Variants in ZCCHC14 observed in about 807,000 individuals in gnomAD.
The protein encoded by ZCCHC14 is zinc finger CCHC domain-containing protein 14.
In ZCCHC14, 16 loss-of-function variants were observed where a neutral mutation model predicts 85.0. That is an observed-to-expected ratio of 0.19 (90% CI 0.13 to 0.29). The LOEUF (loss-of-function observed/expected upper bound fraction) is 0.29. Among genes scored for constraint, ZCCHC14 ranks in the 10% least tolerant of loss-of-function variants. The pLI, the probability that ZCCHC14 is intolerant of heterozygous loss-of-function variation, is 1.00. For missense variants in ZCCHC14, 1,303 were observed against 1,443.5 expected (o/e 0.90, Z 1.58); for synonymous variants, 775 against 630.7 (o/e 1.23, Z -3.43).
At position 87,407,140 on chromosome 16, in the gene ZCCHC14, C is replaced by G. The variant is rs1908236774; in HGVS notation, c.*3140G>C. On this transcript the variant is annotated 3_prime_UTR_variant, in exon 13 of 13. Transcript: ENST00000671377. The stretch of plus-strand genomic sequence containing the variant: ...CAGCTGGGTGATGTTTAGGCAAAGT[C>G]ACTACCCCGCCCCACTACTGTGCCC... 6.6e-6 allele frequency: 1 copy of G among 152,286 alleles called. No homozygotes were observed. The highest frequency in any genetic ancestry group is 2.4e-5 in the African/African-American group (1 of 41,460). 9.4% of individuals were successfully genotyped at this position (152,286 alleles called of 1,614,324 possible).
In ZCCHC14 at chr16:87,420,728, G is replaced by A. The variant is rs375465172; in HGVS notation, c.841-12C>T. 3.1e-6 allele frequency: 5 copies of A among 1,604,448 alleles called. No homozygotes were observed. Among genetic ancestry groups the A allele is most frequent in the South Asian group, 1.1e-5 (1 of 89,424 alleles). On this transcript the variant is annotated splice_polypyrimidine_tract_variant and intron_variant, in intron 4 of 12. Transcript: ENST00000671377. This position sits in a 1 kb window ranked among gnomAD's most constrained non-coding sequence, Gnocchi z 5.0. ...TAGAGCTGACATAGCTGGAAGAGAG[G>A]ACAAGGTAGAGGAGGTGTGTCCAGA...
intron 2 of ZCCHC14, among the ~76,000 whole-genome samples, chr16:87,455,014 C>A (rs570400373): frequency 1.3e-5 from 2 of 152,202 alleles, no homozygotes; most frequent in Non-Finnish European, 2.9e-5. Flanking sequence ...GGAGGCCGAG[C>A]GCCGTGGCTC....
rs138058798 is a variant in ZCCHC14, at chr16:87,474,571, A to G, written c.571-14440T>C. On this transcript the variant is annotated intron_variant, in intron 1 of 12. Transcript: ENST00000671377. Reference sequence around the variant, plus strand: ...ATAAAAAAACAAACTGAACAGGACCAAGACAAGCAGAAACTGGAGGGAGCC... The same window carrying G: ...ATAAAAAAACAAACTGAACAGGACCGAGACAAGCAGAAACTGGAGGGAGCC... Among the ~76,000 whole-genome samples the G allele has an allele frequency of 1.7e-3, 255 of 152,304 alleles. 1 individual carries two copies. Among genetic ancestry groups the G allele is most frequent in the African/African-American group, 5.7e-3 (239 of 41,568 alleles).
rs544034740 is a variant in ZCCHC14, at chr16:87,439,289, A to G, written c.695-6088T>C. 6.8e-4 allele frequency among the ~76,000 whole-genome samples: 103 copies of G among 152,228 alleles called. 1 individual carries two copies. The highest frequency in any genetic ancestry group is 2.4e-3 in the African/African-American group (99 of 41,548). ...GCTGGGACTACAGGCACGCACCACC[A>G]TGCCCAGCTAATTTTTGTATTTTTA... On this transcript the variant is annotated intron_variant, in intron 2 of 12. Coordinates refer to ENST00000671377, the MANE Select transcript of ZCCHC14 (RefSeq NM_015144.3).
At chr16:87,454,916 C>T (rs970787465) in intron 2 of ZCCHC14, among the ~76,000 whole-genome samples, 89 of 152,200 alleles carry the variant, frequency 5.8e-4, no homozygotes, top group African/African-American at 2.0e-3. Flanking sequence ...TGTCATCTGC[C>T]GATCCACAAA....
At position 87,460,415 on chromosome 16, in the gene ZCCHC14, C is replaced by T. The variant is rs1469847681; in HGVS notation, c.571-284G>A. Among the ~76,000 whole-genome samples the T allele has an allele frequency of 3.3e-5, 5 of 152,154 alleles. No individual in the cohort carries two copies. The East Asian group carries it at 7.7e-4, about 23-fold the overall frequency. ...AACTATGGTAGCCAAAGAGGCCGGG[C>T]ACGGTGGCTCACGCCTGTTATCCCA... is the stretch of plus-strand genomic sequence containing the variant. On this transcript the variant is annotated intron_variant, in intron 1 of 12. Coordinates refer to ENST00000671377, the MANE Select transcript of ZCCHC14 (RefSeq NM_015144.3).
rs1908328478 is a variant in ZCCHC14 at position 87,409,202 on chromosome 16, A to G, written c.*1078T>C. ...ACAGCCTAATACAAAAGAAGTTGACAGGAGAAAATTCCCAATCTTTTGCTG... is the reference window on the plus strand; with the variant it reads ...ACAGCCTAATACAAAAGAAGTTGACGGGAGAAAATTCCCAATCTTTTGCTG... On this transcript the variant is annotated 3_prime_UTR_variant, in exon 13 of 13. Coordinates refer to ENST00000671377, the MANE Select transcript of ZCCHC14 (RefSeq NM_015144.3). 6.6e-6 allele frequency: 1 copy of G among 152,248 alleles called. No homozygotes were observed. The highest frequency in any genetic ancestry group is 2.4e-5 in the African/African-American group (1 of 41,464). The allele number at this position is 152,248 out of a possible 1,614,324, so 9.4% of individuals were successfully genotyped here. A position where few individuals can be genotyped will look rare whatever the true frequency, so the allele number is the denominator to read the frequency against.
intron 6 of ZCCHC14, among the ~76,000 whole-genome samples, chr16:87,419,118 G>A (rs780056155): frequency 1.7e-4 from 25 of 150,896 alleles, no homozygotes; most frequent in South Asian, 8.4e-4. Flanking sequence ...CACCACGCCC[G>A]GCTAATTTTA....
At chr16:87,448,787 G>T (rs1453742313) in intron 2 of ZCCHC14, among the ~76,000 whole-genome samples, 4 of 152,152 alleles carry the variant, frequency 2.6e-5, no homozygotes, top group African/African-American at 9.7e-5. Flanking sequence ...AAAAAGATCA[G>T]CCTCTGTTCT....
intron 1 of ZCCHC14, among the ~76,000 whole-genome samples, chr16:87,461,041 G>A (rs1190661257): frequency 6.6e-6 from 1 of 152,236 alleles, no homozygotes; most frequent in Non-Finnish European, 1.5e-5. Flanking sequence ...GGAAAGCGGG[G>A]CACACCCTCA....
chr16:87,485,387 A>G lies in ZCCHC14; in HGVS notation c.570+6282T>C, dbSNP rs189729592. 3.5e-3 allele frequency among the ~76,000 whole-genome samples: 536 copies of G among 152,284 alleles called. 2 individuals are homozygous for G. Among genetic ancestry groups the G allele is most frequent in the African/African-American group, 0.012 (485 of 41,564 alleles). ...ACCTTTGACAGGAAATGTTTCTACA[A>G]TGTGTCAGGTCTCTCTACAATAAAA... On this transcript the variant is annotated intron_variant, in intron 1 of 12. Transcript: ENST00000671377.
chr16:87,464,950 T>C (rs1217163629), intron 1 of ZCCHC14, among the ~76,000 whole-genome samples: 1 of 152,214 alleles, frequency 6.6e-6, no homozygotes, highest in Admixed American at 6.5e-5. Flanking sequence ...CTGCTACTGC[T>C]AGGAAGGCAA....
intron 1 of ZCCHC14, chr16:87,470,688 T>C (rs1250350501): frequency 6.6e-6 from 1 of 152,328 alleles, no homozygotes; most frequent in Admixed American, 6.5e-5. Context: ...CAGATTACTA[T>C]TGAAATAGGT....
intron 2 of ZCCHC14, among the ~76,000 whole-genome samples, chr16:87,435,312 C>T (rs1298139709): frequency 6.6e-6 from 1 of 152,206 alleles, no homozygotes; most frequent in Non-Finnish European, 1.5e-5. Context: ...TGAAGAACCA[C>T]GCTGAGGGTT....
At chr16:87,483,304 CAAAAAAAAAAAAAAAA>C (rs56708958) in intron 1 of ZCCHC14, among the ~76,000 whole-genome samples, 750 of 43,668 alleles carry the variant, frequency 0.017, 16 homozygotes, top group Middle Eastern at 0.14. Context: ...CTAAAAATAC[CAAAAAAAAAAAAAAAA>C]AAAAAAAAAA....
At chr16:87,456,464 C>T (rs1012074569) in intron 2 of ZCCHC14, among the ~76,000 whole-genome samples, 3 of 127,050 alleles carry the variant, frequency 2.4e-5, no homozygotes, top group Admixed American at 9.8e-5. Context: ...ACCCGGGAGG[C>T]GGAGGTTGCA....
Position 87,491,599 on chromosome 16 carries a change from T to C in ZCCHC14, c.570+70A>G. ...TGGGTCGGGGGGTCGCGGTGCAGGC[T>C]GGAGGCTTGGAGTGCAGAGTTGGGG... On this transcript the variant is annotated intron_variant, in intron 1 of 12. Transcript: ENST00000671377. This position sits in a 1 kb window ranked among gnomAD's most constrained non-coding sequence, Gnocchi z 5.9. 1 of 1,313,988 alleles carries C rather than the reference T, an allele frequency of 7.6e-7. No homozygotes were observed. Among genetic ancestry groups the C allele is most frequent in the South Asian group, 1.9e-5 (1 of 53,146 alleles). 81.4% of individuals were successfully genotyped at this position (1,313,988 alleles called of 1,614,324 possible).
rs190586764 is a variant in ZCCHC14 at position 87,448,171 on chromosome 16, C to T, written c.694+11837G>A. 1.2e-3 allele frequency among the ~76,000 whole-genome samples: 181 copies of T among 152,238 alleles called. 2 individuals are homozygous for T. The highest frequency in any genetic ancestry group is 4.0e-3 in the African/African-American group (165 of 41,532). Reference sequence around the variant, plus strand: ...TAGGCTGTATTCCTAATCTGAAAATCCAAAATCCAAAATGCTCCAAAATCT... The same window carrying T: ...TAGGCTGTATTCCTAATCTGAAAATTCAAAATCCAAAATGCTCCAAAATCT... On this transcript the variant is annotated intron_variant, in intron 2 of 12. Coordinates refer to ENST00000671377, the MANE Select transcript of ZCCHC14 (RefSeq NM_015144.3).
chr16:87,424,279 A>C (rs1011627619), intron 3 of ZCCHC14, among the ~76,000 whole-genome samples: 9 of 152,042 alleles, frequency 5.9e-5, no homozygotes, highest in Admixed American at 6.6e-5. Context: ...CAGCCCTTCG[A>C]CCACCGGTAA....
Sources: allele counts gnomAD v4.1 joint callset (sites outside exome capture counted in the v4.1 genomes callset), GRCh38; gene constraint gnomAD v4.1.1; non-coding constraint Gnocchi (gnomAD v3.1); transcripts MANE v1.5; gene names NCBI Gene and HGNC (gene_info 2026-07-23, HGNC 2026-07-21).